The following PTPRZ1 variants were observed in gnomAD, a reference collection of about 807,000 sequenced individuals.
PTPRZ1 encodes the protein protein tyrosine phosphatase receptor type Z1.
In PTPRZ1, 82 loss-of-function variants were observed where a neutral mutation model predicts 214.1. The observed-to-expected ratio is 0.38, with a 90% CI of 0.32 to 0.46. PTPRZ1 has a LOEUF of 0.46. PTPRZ1 is among the 20% of genes least tolerant of loss of function. The pLI is 1.00. For synonymous variants in PTPRZ1, 945 were observed against 987.9 expected (o/e 0.96, Z 0.81); for missense variants, 2,603 against 2,748.7 (o/e 0.95, Z 1.19).
intron 11 of PTPRZ1, among the ~76,000 whole-genome samples, chr7:122,006,617 T>G (rs997688001): frequency 6.6e-6 from 1 of 152,022 alleles, no homozygotes; most frequent in Non-Finnish European, 1.5e-5. Context: ...GGTCTTGCCA[T>G]GTACATATAT....
intron 28 of PTPRZ1, 48 bp downstream of exon 28, chr7:122,058,990 A>T: frequency 1.3e-6 from 2 of 1,494,564 alleles, no homozygotes; most frequent in Non-Finnish European, 1.8e-6. Context: ...TTTTCTGGGC[A>T]TATGTATATT....
At chr7:121,954,592 A>G (rs778995787) in intron 2 of PTPRZ1, among the ~76,000 whole-genome samples, 3 of 152,202 alleles carry the variant, frequency 2.0e-5, no homozygotes, top group Non-Finnish European at 4.4e-5. Context: ...TATTTCTGCT[A>G]TTATATTCAT....
intron 2 of PTPRZ1, among the ~76,000 whole-genome samples, chr7:121,943,253 G>C (rs964009094): frequency 1.3e-5 from 2 of 152,136 alleles, no homozygotes; most frequent in African/African-American, 4.8e-5. Flanking sequence ...AACTTTTACA[G>C]TATGTTCTTT....
In PTPRZ1 at chr7:122,044,467, A is replaced by G; in HGVS notation, c.5983A>G (p.Ser1995Gly). The change falls in exon 23 of 30, where the codon AGT becomes GGT. Residue 1995 changes from serine (S) to glycine (G), a missense_variant. Physicochemically the swap from Ser to Gly is moderately conservative, Grantham distance 56. Around this residue, in one of 6 missense-constraint regions of PTPRZ1, gnomAD observed 1,913 missense variants for 1,914.3 expected, o/e 1.00. Coordinates refer to ENST00000393386, the MANE Select transcript of PTPRZ1 (RefSeq NM_002851.3). The part of the protein sequence containing the change: ...IHDTLVEAIL[S>G]KETEVLDSHI... Reference sequence around the variant, plus strand: ...TGATACACTGGTTGAGGCCATACTTAGTAAAGAAACTGAGGTGCTGGACAG... The same window carrying G: ...TGATACACTGGTTGAGGCCATACTTGGTAAAGAAACTGAGGTGCTGGACAG... The G allele has an allele frequency of 6.2e-7, 1 of 1,613,948 alleles. No homozygotes were observed. The highest frequency in any genetic ancestry group is 8.5e-7 in the Non-Finnish European group (1 of 1,179,824).
At chr7:121,879,368 A>G (rs1393878750) in intron 1 of PTPRZ1, among the ~76,000 whole-genome samples, 1 of 152,182 alleles carries the variant, frequency 6.6e-6, no homozygotes, top group East Asian at 1.9e-4. Flanking sequence ...TGAGGGATGC[A>G]GGATGGTCAG....
At chr7:122,029,344 C>A (rs1046161256) in intron 14 of PTPRZ1, among the ~76,000 whole-genome samples, 1 of 151,936 alleles carries the variant, frequency 6.6e-6, no homozygotes, top group Admixed American at 6.6e-5. Flanking sequence ...TAAGTAAAAT[C>A]ATAACCACTC....
At chr7:121,995,621 A>G (rs569267557) in intron 8 of PTPRZ1, among the ~76,000 whole-genome samples, 1 of 152,328 alleles carries the variant, frequency 6.6e-6, no homozygotes, top group South Asian at 2.1e-4. Flanking sequence ...TTTTCAGATG[A>G]GACAAACAAG....
intron 13 of PTPRZ1, among the ~76,000 whole-genome samples, chr7:122,020,439 A>G (rs994421011): frequency 3.9e-5 from 6 of 152,208 alleles, no homozygotes; most frequent in Admixed American, 3.3e-4. Context: ...AGTGTAAACT[A>G]AAATGTAGGA....
intron 3 of PTPRZ1, among the ~76,000 whole-genome samples, chr7:121,968,647 T>A (rs9649446): frequency 0.069 from 10,347 of 148,998 alleles, 376 homozygotes; most frequent in Non-Finnish European, 0.087. Context: ...TTTTTTTTTT[T>A]AAAAAAAAGC....
At chr7:122,047,791 G>A (rs904081441) in intron 23 of PTPRZ1, among the ~76,000 whole-genome samples, 1 of 151,920 alleles carries the variant, frequency 6.6e-6, no homozygotes, top group Non-Finnish European at 1.5e-5. Context: ...TAGGACTATA[G>A]TAAGTGTACA....
intron 10 of PTPRZ1, among the ~76,000 whole-genome samples, chr7:122,003,793 G>A (rs759992105): frequency 3.3e-5 from 5 of 152,200 alleles, no homozygotes; most frequent in Admixed American, 6.6e-5. Context: ...GCTCAGTAAC[G>A]TGGTAGAGTG....
rs2116664618 is a variant in PTPRZ1, at chr7:122,013,272, A to G, written c.4226A>G (p.Asp1409Gly). ...TSELSHSAKS[D>G]AGLVGGGEDG... ...GAGCTGAGTCATAGTGCCAAATCTG[A>G]TGCCGGTTTAGTGGGTGGTGGTGAA... The change falls in exon 12 of 30, where the codon GAT becomes GGT. Residue 1409 changes from aspartate to glycine, a missense_variant. By Grantham distance (94) the Asp-to-Gly change is moderately conservative. Transcript: ENST00000393386. 1 of 1,613,976 alleles carries G rather than the reference A, an allele frequency of 6.2e-7. No homozygotes were observed. Among genetic ancestry groups the G allele is most frequent in the East Asian group, 2.2e-5 (1 of 44,866 alleles).
chr7:122,013,643 C>T lies in PTPRZ1; in HGVS notation c.4597C>T (p.Leu1533Phe), dbSNP rs958498910. 1 of 1,614,198 alleles carries T rather than the reference C, an allele frequency of 6.2e-7. No homozygotes were observed. Residue 1533 changes from leucine (L) to phenylalanine (F), a missense_variant, in exon 12 of 30, where the codon CTC becomes TTC. Leu to Phe is a conservative substitution (Grantham distance 22, BLOSUM62 0). Coordinates refer to ENST00000393386, the MANE Select transcript of PTPRZ1 (RefSeq NM_002851.3). ...TCAGACTGGTAGTGCTCTGCTTCCT[C>T]TCAGCCCTGAATCTAAAGCATGGGC... The part of the protein sequence containing the change: ...DIQTGSALLP[L>F]SPESKAWAVL...
intron 2 of PTPRZ1, among the ~76,000 whole-genome samples, chr7:121,958,778 A>G (rs1246577507): frequency 1.3e-5 from 2 of 152,132 alleles, no homozygotes; most frequent in Non-Finnish European, 2.9e-5. Context: ...CTCCCAAATA[A>G]GAATCCTCTG....
At chr7:121,908,766 C>T in intron 1 of PTPRZ1, 1 of 494,404 alleles carries the variant, frequency 2.0e-6, no homozygotes, top group South Asian at 1.5e-5. Context: ...ACTAATGACA[C>T]TTTATTAATA....
intron 1 of PTPRZ1, among the ~76,000 whole-genome samples, chr7:121,880,069 T>C (rs775893891): frequency 6.6e-6 from 1 of 152,170 alleles, no homozygotes; most frequent in Non-Finnish European, 1.5e-5. Flanking sequence ...GTCTTTGTAG[T>C]TAACAAAATT....
rs201549854 is a variant in PTPRZ1 at position 121,901,764 on chromosome 7, G to A, written c.59-26392G>A. On this transcript the variant is annotated intron_variant, in intron 1 of 29. Transcript: ENST00000393386. ...TGTACATATTTATGGGCTACAATAT[G>A]ATGTTTCAATACGTATATACGTTGT... Among the ~76,000 whole-genome samples the A allele has an allele frequency of 3.9e-4, 59 of 152,260 alleles. 1 individual carries two copies. Among genetic ancestry groups the A allele is most frequent in the East Asian group, 2.3e-3 (12 of 5,190 alleles).
At chr7:121,938,416 G>A (rs1421344543) in intron 2 of PTPRZ1, among the ~76,000 whole-genome samples, 9 of 152,210 alleles carry the variant, frequency 5.9e-5, no homozygotes, top group Non-Finnish European at 1.2e-4. Context: ...GGTAATTGGA[G>A]TGACTATTTG....
At chr7:121,935,096 T>TA (rs1441897172) in intron 2 of PTPRZ1, among the ~76,000 whole-genome samples, 1 of 152,218 alleles carries the variant, frequency 6.6e-6, no homozygotes, top group Non-Finnish European at 1.5e-5. Flanking sequence ...CAATGTGTGT[T>TA]TGTTGATCAA....
Sources: gnomAD v4.1 joint callset for allele counts (sites outside exome capture counted in the v4.1 genomes callset) on GRCh38, gnomAD v4.1.1 for gene constraint, gnomAD v4.1.1 regional missense constraint, MANE v1.5 for transcripts, NCBI Gene and HGNC (gene_info 2026-07-23, HGNC 2026-07-21) for gene names.